The following LAMA4 variants were observed in gnomAD, a reference collection of about 807,000 sequenced individuals.
LAMA4 encodes laminin subunit alpha-4.
In LAMA4, 127 loss-of-function variants were observed where a neutral mutation model predicts 207.1. That is an observed-to-expected ratio of 0.61 (90% CI 0.53 to 0.71). The LOEUF (loss-of-function observed/expected upper bound fraction) is 0.71. Among genes scored for constraint, LAMA4 ranks in the 30% least tolerant of loss-of-function variants. The pLI, the probability that LAMA4 is intolerant of heterozygous loss-of-function variation, is 0.00. For synonymous variants in LAMA4, 761 were observed against 816.0 expected (o/e 0.93, Z 1.15); for missense variants, 2,093 against 2,246.5 (o/e 0.93, Z 1.38).
intron 3 of LAMA4, among the ~76,000 whole-genome samples, chr6:112,209,897 G>A (rs1393863255): frequency 6.6e-6 from 1 of 152,142 alleles, no homozygotes; most frequent in African/African-American, 2.4e-5. Flanking sequence ...CCTGGTGGGA[G>A]GCGATTGGAT....
In LAMA4 at chr6:112,175,514, G is replaced by A. The variant is rs1274047862; in HGVS notation, c.1190-34C>T. Reference sequence around the variant, plus strand: ...AAGAACATGGTGAAACAAGGCAGCAGGGAGAGATGACCAGGCACTAGAAAT... The same window carrying A: ...AAGAACATGGTGAAACAAGGCAGCAAGGAGAGATGACCAGGCACTAGAAAT... On this transcript the variant is annotated intron_variant, in intron 10 of 38. Transcript: ENST00000230538. The A allele has an allele frequency of 2.5e-6, 4 of 1,611,102 alleles. No homozygotes were observed. The East Asian group carries it at 8.9e-5, about 36-fold the overall frequency.
Position 112,148,195 on chromosome 6 carries a change from G to A in LAMA4, c.2315C>T (p.Ser772Phe). Residue 772 changes from serine (S) to phenylalanine (F), a missense_variant, in exon 18 of 39, where the codon TCT becomes TTT. By Grantham distance (155) the Ser-to-Phe change is radical. This residue lies in a region of LAMA4 where 1,704 missense variants were observed against 1,788.4 expected (regional missense o/e 0.95). Coordinates refer to ENST00000230538, the MANE Select transcript of LAMA4 (RefSeq NM_001105206.3). ...WSQNLQHFDS[S>F]AYNTAVNSAR... ...AGAGTTCACTGCAGTGTTGTAAGCAGAAGAGTCAAAATGTTGAAGATTCTG... is the reference window on the plus strand; with the variant it reads ...AGAGTTCACTGCAGTGTTGTAAGCAAAAGAGTCAAAATGTTGAAGATTCTG... 6.2e-7 allele frequency: 1 copy of A among 1,614,226 alleles called. No homozygotes were observed. The highest frequency in any genetic ancestry group is 8.5e-7 in the Non-Finnish European group (1 of 1,180,016).
At position 112,117,963 on chromosome 6, in the gene LAMA4, A is replaced by G; in HGVS notation, c.4822-65T>C. ...CACAAATGCACCAAGGGGAAGCAAA[A>G]TGAGGGGGTTTGAGTCCTGAAGGAA... On this transcript the variant is annotated intron_variant, in intron 34 of 38. Coordinates refer to ENST00000230538, the MANE Select transcript of LAMA4 (RefSeq NM_001105206.3). This position sits in a 1 kb window ranked among gnomAD's most constrained non-coding sequence, Gnocchi z 4.5. The G allele has an allele frequency of 6.9e-7, 1 of 1,439,586 alleles. No homozygotes were observed. The highest frequency in any genetic ancestry group is 9.8e-7 in the Non-Finnish European group (1 of 1,025,214). 89.2% of individuals were successfully genotyped at this position (1,439,586 alleles called of 1,614,324 possible).
At chr6:112,240,141 T>C (rs1343964875) in intron 2 of LAMA4, among the ~76,000 whole-genome samples, 1 of 152,212 alleles carries the variant, frequency 6.6e-6, no homozygotes, top group Non-Finnish European at 1.5e-5. Context: ...TAAAGAAACA[T>C]TTTAAAAGGT....
chr6:112,189,128 T>C lies in LAMA4; in HGVS notation c.796A>G (p.Met266Val). The change falls in exon 7 of 39, where the codon ATG becomes GTG. Residue 266 changes from methionine to valine, a missense_variant. Physicochemically the swap from Met to Val is conservative, Grantham distance 21 (BLOSUM62 1). This residue lies in a region of LAMA4 where 1,704 missense variants were observed against 1,788.4 expected (regional missense o/e 0.95). Coordinates refer to ENST00000230538, the MANE Select transcript of LAMA4 (RefSeq NM_001105206.3). ...TTTTTACTTATGGTTGGGCAGTCCA[T>C]GCCTGTAGGGGGTTCAAAACCTTCT... Reference protein sequence around the residue: ...LEEGFEPPTGMDCPTISCDKC... With the variant: ...LEEGFEPPTGVDCPTISCDKC... 1 of 1,613,516 alleles carries C rather than the reference T, an allele frequency of 6.2e-7. No individual in the cohort carries two copies. Among genetic ancestry groups the C allele is most frequent in the South Asian group, 1.1e-5 (1 of 91,080 alleles).
rs782154335 is a variant in LAMA4, at chr6:112,142,309, G to A, written c.2494-17C>T. The A allele has an allele frequency of 6.2e-7, 1 of 1,613,678 alleles. No homozygotes were observed. Among genetic ancestry groups the A allele is most frequent in the Non-Finnish European group, 8.5e-7 (1 of 1,179,656 alleles). On this transcript the variant is annotated splice_polypyrimidine_tract_variant and intron_variant, in intron 19 of 38. Transcript: ENST00000230538. Reference sequence around the variant, plus strand: ...GACTTGGATCTGGAGTGACACAACGGTTTCATTAAAAGTGCTTTGCAGAAA... The same window carrying A: ...GACTTGGATCTGGAGTGACACAACGATTTCATTAAAAGTGCTTTGCAGAAA...
chr6:112,139,866 A>G lies in LAMA4; in HGVS notation c.2996T>C (p.Leu999Pro), dbSNP rs1447577256. Residue 999 changes from leucine (L) to proline (P), a missense_variant, in exon 23 of 39, where the codon CTG becomes CCG. Physicochemically the swap from Leu to Pro is moderately conservative, Grantham distance 98 (BLOSUM62 -3). Transcript: ENST00000230538. ...TTCCAGGCAGCCAACAAAGCCAGGCAGGTTTAAGCTGGTAGGGAGCTATGC... is the reference window on the plus strand; with the variant it reads ...TTCCAGGCAGCCAACAAAGCCAGGCGGGTTTAAGCTGGTAGGGAGCTATGC... ...SNFKLPTSLN[L>P]PGFVGCLELA... 9 of 1,614,006 alleles carry G rather than the reference A, an allele frequency of 5.6e-6. No individual in the cohort carries two copies. In the Admixed American group the frequency reaches 1.3e-4, roughly 24 times the overall value.
chr6:112,190,926 T>TCCTTTC (rs1225357399), intron 6 of LAMA4, among the ~76,000 whole-genome samples: 2 of 93,614 alleles, frequency 2.1e-5, no homozygotes, highest in South Asian at 9.5e-4. Flanking sequence ...TTTCTTTCTT[T>TCCTTTC]CTTTCTTTCT....
intron 8 of LAMA4, among the ~76,000 whole-genome samples, chr6:112,186,100 CTTTACATA>C (rs1554346576): frequency 6.6e-6 from 1 of 152,230 alleles, no homozygotes; most frequent in Non-Finnish European, 1.5e-5. Context: ...TTTGCTTACA[CTTTACATA>C]TTTGGCCAAC....
At chr6:112,241,140 T>TATATATGAATATGA in intron 2 of LAMA4, among the ~76,000 whole-genome samples, 1 of 68,426 alleles carries the variant, frequency 1.5e-5, no homozygotes, top group African/African-American at 4.8e-5. Context: ...TATATAGGAA[T>TATATATGAATATGA]ATATATATGA....
intron 2 of LAMA4, chr6:112,236,185 C>A (rs571867396): frequency 2.6e-5 from 4 of 152,314 alleles, no homozygotes; most frequent in African/African-American, 9.6e-5. Context: ...AGTGACTCAA[C>A]TTCTAGCTCT....
chr6:112,115,403 G>C (rs1777956143), intron 36 of LAMA4, among the ~76,000 whole-genome samples: 1 of 151,840 alleles, frequency 6.6e-6, no homozygotes, highest in South Asian at 2.1e-4. Flanking sequence ...TAGTATCTTA[G>C]GATGAAAGTG....
At chr6:112,109,713 T>C in intron 38 of LAMA4, 131 bp from the exon 39 acceptor site, 2 of 952,322 alleles carry the variant, frequency 2.1e-6, no homozygotes, top group Non-Finnish European at 1.6e-6. Flanking sequence ...TAGAACATAG[T>C]TATAATTGAC....
rs3216857 is a variant in LAMA4, at chr6:112,117,709, GA to G, written c.4981+29del. ...CCATCTCCAGGAAGAAGCATTTCAT[GA>G]CTCATATTTTTAACATGACTAATGT... On this transcript the variant is annotated intron_variant, in intron 35 of 38. Coordinates refer to ENST00000230538, the MANE Select transcript of LAMA4 (RefSeq NM_001105206.3). The surrounding 1 kb of genome is among the most constrained non-coding windows in gnomAD (Gnocchi z 4.5). The G allele has an allele frequency of 0.19, 301,642 of 1,599,070 alleles. 33,211 individuals carry two copies. The highest frequency in any genetic ancestry group is 0.4 in the East Asian group (17,645 of 44,658).
intron 8 of LAMA4, among the ~76,000 whole-genome samples, chr6:112,185,636 A>G (rs1419372413): frequency 2.0e-5 from 3 of 152,192 alleles, no homozygotes; most frequent in Non-Finnish European, 4.4e-5. Flanking sequence ...GTACAAAGGT[A>G]CAATATAGGC....
intron 11 of LAMA4, among the ~76,000 whole-genome samples, chr6:112,173,793 C>T (rs1198697624): frequency 6.6e-6 from 1 of 152,198 alleles, no homozygotes; most frequent in African/African-American, 2.4e-5. Context: ...GGAAAACGAC[C>T]TACTGCCCTT....
chr6:112,109,702 A>T, intron 38 of LAMA4, 120 bp from the exon 39 acceptor site: 2 of 1,007,566 alleles, frequency 2.0e-6, no homozygotes, highest in African/African-American at 2.2e-5. Flanking sequence ...CATTTCAAAA[A>T]TAGAACATAG....
intron 38 of LAMA4, among the ~76,000 whole-genome samples, chr6:112,110,932 A>G (rs11962253): frequency 3.3e-5 from 5 of 152,066 alleles, no homozygotes; most frequent in Admixed American, 6.5e-5. Flanking sequence ...TTTAGAGAGA[A>G]TGTTTCCCAG....
At position 112,231,040 on chromosome 6, in the gene LAMA4, C is replaced by T. The variant is rs547229775; in HGVS notation, c.196-14571G>A. ...AGAAAATGATGCTGGAAAACTGTGGCGTTATTGCTGAAGCTCACACCTCTT... is the reference window on the plus strand; with the variant it reads ...AGAAAATGATGCTGGAAAACTGTGGTGTTATTGCTGAAGCTCACACCTCTT... On this transcript the variant is annotated intron_variant, in intron 2 of 38. Transcript: ENST00000230538. Among the ~76,000 whole-genome samples, 7 of 152,274 alleles carry T rather than the reference C, an allele frequency of 4.6e-5. No homozygotes were observed. The South Asian group carries it at 8.3e-4, about 18-fold the overall frequency.
Sources: allele counts gnomAD v4.1 joint callset (sites outside exome capture counted in the v4.1 genomes callset), GRCh38; gene constraint gnomAD v4.1.1; regional missense constraint gnomAD v4.1.1; non-coding constraint Gnocchi (gnomAD v3.1); transcripts MANE v1.5; gene names NCBI Gene and HGNC (gene_info 2026-07-23, HGNC 2026-07-21).